GRIP1: variants seen among roughly 807,000 people sequenced by gnomAD.
The protein encoded by GRIP1 is glutamate receptor-interacting protein 1.
In GRIP1, 45 loss-of-function variants were observed where a neutral mutation model predicts 129.9. The observed-to-expected ratio is 0.35, with a 90% CI of 0.27 to 0.44. GRIP1 has a LOEUF of 0.44. Ranked by LOEUF, GRIP1 falls within the 20% of genes least tolerant of loss-of-function variation. The pLI, the probability that GRIP1 is intolerant of heterozygous loss-of-function variation, is 1.00. For synonymous variants in GRIP1, 530 were observed against 520.8 expected (o/e 1.02, Z -0.24); for missense variants, 1,196 against 1,396.8 (o/e 0.86, Z 2.29).
chr12:66,706,278 A>G (rs533881309), intron 1 of GRIP1, among the ~76,000 whole-genome samples: 1 of 152,142 alleles, frequency 6.6e-6, no homozygotes, highest in East Asian at 1.9e-4. Flanking sequence ...AGACATTTAC[A>G]TGGCCAAGAA....
intron 1 of GRIP1, among the ~76,000 whole-genome samples, chr12:67,020,271 C>A (rs2042845938): frequency 6.6e-6 from 1 of 152,116 alleles, no homozygotes; most frequent in South Asian, 2.1e-4. Context: ...AAATTTTGGT[C>A]CTTCGGCATT....
intron 14 of GRIP1, among the ~76,000 whole-genome samples, chr12:66,422,219 G>A (rs973293210): frequency 9.9e-5 from 15 of 152,090 alleles, no homozygotes; most frequent in Admixed American, 3.9e-4. Context: ...AAAAGAAAAC[G>A]CATATACCGA....
chr12:66,631,355 T>A (rs1330055648), intron 1 of GRIP1, among the ~76,000 whole-genome samples: 1 of 152,212 alleles, frequency 6.6e-6, no homozygotes, highest in Non-Finnish European at 1.5e-5. Context: ...GATTTTTGTT[T>A]CCCACAGAGC....
At chr12:66,983,233 A>G (rs982284877) in intron 1 of GRIP1, among the ~76,000 whole-genome samples, 2 of 152,192 alleles carry the variant, frequency 1.3e-5, no homozygotes, top group Non-Finnish European at 2.9e-5. Flanking sequence ...AGCCAAGTGG[A>G]ATTCTAACTA....
chr12:66,527,173 T>G (rs568667882), intron 5 of GRIP1, among the ~76,000 whole-genome samples: 95 of 149,300 alleles, frequency 6.4e-4, no homozygotes, highest in Non-Finnish European at 1.2e-3. Context: ...ATCCCATTAC[T>G]GGGTATATAC....
chr12:66,387,036 A>G (rs2137458156), intron 19 of GRIP1, among the ~76,000 whole-genome samples: 1 of 152,308 alleles, frequency 6.6e-6, no homozygotes, highest in East Asian at 1.9e-4. Flanking sequence ...AATACATAAT[A>G]CATAAATCCA....
At chr12:66,560,145 T>C (rs1008368970) in intron 2 of GRIP1, among the ~76,000 whole-genome samples, 1 of 152,162 alleles carries the variant, frequency 6.6e-6, no homozygotes, top group African/African-American at 2.4e-5. Context: ...GACCCCCATC[T>C]CTTGCCATAT....
chr12:66,913,081 G>A (rs188071560), intron 1 of GRIP1, among the ~76,000 whole-genome samples: 22 of 152,254 alleles, frequency 1.4e-4, no homozygotes, highest in African/African-American at 4.1e-4. Flanking sequence ...CAAGTCGGCC[G>A]CCACAGCATC....
intron 1 of GRIP1, among the ~76,000 whole-genome samples, chr12:66,772,519 A>T (rs2037850890): frequency 1.3e-5 from 2 of 152,216 alleles, no homozygotes; most frequent in Non-Finnish European, 2.9e-5. Context: ...ATTTTGAAGG[A>T]TTAATGGGAT....
intron 1 of GRIP1, among the ~76,000 whole-genome samples, chr12:66,677,267 A>G (rs1429033999): frequency 6.6e-6 from 1 of 152,202 alleles, no homozygotes; most frequent in Non-Finnish European, 1.5e-5. Flanking sequence ...GAGAAAGTTA[A>G]AAATATTTGT....
chr12:67,038,743 G>C (rs987817380), intron 1 of GRIP1, among the ~76,000 whole-genome samples: 2 of 152,158 alleles, frequency 1.3e-5, no homozygotes, highest in Non-Finnish European at 2.9e-5. Context: ...CATTCCATCT[G>C]AGCAAAGGCA....
At chr12:66,970,846 A>C (rs1408941093) in intron 1 of GRIP1, among the ~76,000 whole-genome samples, 1 of 152,144 alleles carries the variant, frequency 6.6e-6, no homozygotes, top group East Asian at 1.9e-4. Flanking sequence ...TCAGAGAACT[A>C]TCTTCTCCCC....
intron 1 of GRIP1, among the ~76,000 whole-genome samples, chr12:66,698,062 C>A (rs1487580619): frequency 1.3e-5 from 2 of 151,984 alleles, no homozygotes; most frequent in African/African-American, 4.8e-5. Flanking sequence ...TTGTAGAAAG[C>A]AATATGCTTT....
At position 66,679,061 on chromosome 12, in the gene GRIP1, C is replaced by T; in HGVS notation, c.-157G>A. The T allele has an allele frequency of 6.6e-7, 1 of 1,525,714 alleles. No individual in the cohort carries two copies. The highest frequency in any genetic ancestry group is 1.2e-5 in the South Asian group (1 of 82,386). 94.5% of individuals were successfully genotyped at this position (1,525,714 alleles called of 1,614,324 possible). On this transcript the variant is annotated 5_prime_UTR_variant, in exon 1 of 25. Transcript: ENST00000359742. ...AATTCCTCTTGGCTGATGCAGAGGT[C>T]CGCTACATGTCATCTGGCAAATCTG...
chr12:66,490,979 C>T (rs946161575), intron 7 of GRIP1, among the ~76,000 whole-genome samples: 6 of 151,958 alleles, frequency 3.9e-5, no homozygotes, highest in African/African-American at 7.2e-5. Context: ...GGCAAGGTTG[C>T]GAAGAAAAAG....
rs111505229 is a variant in GRIP1 at position 66,863,321 on chromosome 12, G to A, written c.58+205729C>T. ...AATATAGAACATTGAAGATAAATAAGTTCCTGTTCTTTTGAAGTTGATTTC... is the reference window on the plus strand; with the variant it reads ...AATATAGAACATTGAAGATAAATAAATTCCTGTTCTTTTGAAGTTGATTTC... On this transcript the variant is annotated intron_variant, in intron 1 of 1. Transcript: ENST00000643019. Among the ~76,000 whole-genome samples the A allele has an allele frequency of 9.6e-3, 1,454 of 152,176 alleles. 23 individuals are homozygous for A. Among genetic ancestry groups the A allele is most frequent in the African/African-American group, 0.032 (1,347 of 41,522 alleles).
chr12:66,865,172 G>C (rs547355579), intron 1 of GRIP1, among the ~76,000 whole-genome samples: 8 of 152,044 alleles, frequency 5.3e-5, no homozygotes, highest in African/African-American at 1.7e-4. Flanking sequence ...AAGGAAGCAC[G>C]GCAAGAAGAC....
chr12:66,933,328 TG>T (rs1460942158), intron 1 of GRIP1, among the ~76,000 whole-genome samples: 2 of 152,160 alleles, frequency 1.3e-5, no homozygotes, highest in Non-Finnish European at 2.9e-5. Context: ...CAATAAAAGA[TG>T]AGATCACTTC....
chr12:66,681,904 C>T (rs191191715), upstream of GRIP1, among the ~76,000 whole-genome samples: 94 of 152,206 alleles, frequency 6.2e-4, no homozygotes, highest in Admixed American at 5.5e-3. Context: ...AAGTGTACCA[C>T]GTTTACATAG....
Sources: allele counts gnomAD v4.1 joint callset (sites outside exome capture counted in the v4.1 genomes callset), GRCh38; gene constraint gnomAD v4.1.1; transcripts MANE v1.5; gene names NCBI Gene and HGNC (gene_info 2026-07-23, HGNC 2026-07-21).